Variants in COL14A1 observed in about 807,000 individuals in gnomAD.
COL14A1 encodes collagen type XIV alpha 1 chain.
COL14A1 carries 136 observed loss-of-function variants against 230.3 expected under a neutral mutation model. The observed-to-expected ratio is 0.59, with a 90% confidence interval of 0.51 to 0.68. The LOEUF (loss-of-function observed/expected upper bound fraction) is 0.68. Among genes scored for constraint, COL14A1 ranks in the 30% least tolerant of loss-of-function variants. The pLI is 0.00. For synonymous variants in COL14A1, 792 were observed against 784.1 expected (o/e 1.01, Z -0.17); for missense variants, 1,976 against 2,215.8 (o/e 0.89, Z 2.17).
chr8:120,193,041 C>G (rs1816883288), intron 5 of COL14A1, among the ~76,000 whole-genome samples: 1 of 152,212 alleles, frequency 6.6e-6, no homozygotes, highest in South Asian at 2.1e-4. Flanking sequence ...CTTCTTCTCT[C>G]AACTCGTCAA....
chr8:120,335,645 C>CCG (rs1457518450), intron 42 of COL14A1, among the ~76,000 whole-genome samples: 1 of 152,190 alleles, frequency 6.6e-6, no homozygotes, highest in Non-Finnish European at 1.5e-5. Context: ...ACAGGCTGCA[C>CCG]CGCTGAAAAT....
intron 34 of COL14A1, among the ~76,000 whole-genome samples, chr8:120,290,946 T>G (rs572420607): frequency 2.5e-4 from 38 of 152,324 alleles, no homozygotes; most frequent in African/African-American, 8.4e-4. Flanking sequence ...AAAAGTTCCT[T>G]TGTTTCTACT....
chr8:120,248,413 C>G (rs1022349467), intron 21 of COL14A1, among the ~76,000 whole-genome samples: 3 of 152,118 alleles, frequency 2.0e-5, no homozygotes, highest in Non-Finnish European at 4.4e-5. Flanking sequence ...GTACCATCTC[C>G]CCATTCTTAG....
intron 1 of COL14A1, among the ~76,000 whole-genome samples, chr8:120,144,677 A>C (rs186238671): frequency 6.6e-6 from 1 of 152,216 alleles, no homozygotes; most frequent in East Asian, 1.9e-4. Flanking sequence ...GATTGCAAAC[A>C]ATGCAGTTGT....
intron 20 of COL14A1, among the ~76,000 whole-genome samples, chr8:120,245,065 T>G (rs1342373220): frequency 6.6e-6 from 1 of 152,220 alleles, no homozygotes; most frequent in African/African-American, 2.4e-5. Context: ...CCCTAGCGAT[T>G]CCTTCTACAT....
At chr8:120,332,796 T>A in intron 42 of COL14A1, 61 bp downstream of exon 42, 1 of 1,348,508 alleles carries the variant, frequency 7.4e-7, no homozygotes. Context: ...ATTTATGTGT[T>A]TAAATTTACC....
At chr8:120,273,715 C>T (rs1420044871) in intron 26 of COL14A1, among the ~76,000 whole-genome samples, 2 of 150,770 alleles carry the variant, frequency 1.3e-5, no homozygotes, top group African/African-American at 4.9e-5. Flanking sequence ...TTCCTGGAAA[C>T]AACAACCCCC....
chr8:120,179,071 T>G (rs1430249760), intron 5 of COL14A1, among the ~76,000 whole-genome samples: 1 of 152,168 alleles, frequency 6.6e-6, no homozygotes, highest in Non-Finnish European at 1.5e-5. Flanking sequence ...GAGAAGCTCT[T>G]TAGTTTAATT....
intron 14 of COL14A1, among the ~76,000 whole-genome samples, chr8:120,219,468 A>G (rs1001555196): frequency 2.6e-5 from 4 of 152,174 alleles, no homozygotes; most frequent in Admixed American, 6.5e-5. Context: ...GTCTAAGATC[A>G]AGGCACCTGC....
At chr8:120,243,285 T>C (rs1818660477) in intron 19 of COL14A1, among the ~76,000 whole-genome samples, 1 of 152,184 alleles carries the variant, frequency 6.6e-6, no homozygotes. Flanking sequence ...TGATTCTAGA[T>C]TGAGGAAGAC....
intron 45 of COL14A1, among the ~76,000 whole-genome samples, chr8:120,364,743 C>T (rs974264044): frequency 2.0e-5 from 3 of 151,878 alleles, no homozygotes; most frequent in Non-Finnish European, 4.4e-5. Flanking sequence ...ATTAGCCAAG[C>T]GTCGTGTCAC....
At chr8:120,131,474 T>C (rs1296447230) in intron 1 of COL14A1, among the ~76,000 whole-genome samples, 3 of 152,174 alleles carry the variant, frequency 2.0e-5, no homozygotes, top group Non-Finnish European at 2.9e-5. Context: ...ATGTGGAGCA[T>C]TTTTTCATGT....
intron 45 of COL14A1, among the ~76,000 whole-genome samples, chr8:120,362,925 A>G (rs770127507): frequency 6.6e-6 from 1 of 152,190 alleles, no homozygotes; most frequent in Non-Finnish European, 1.5e-5. Context: ...GATCTAATTT[A>G]TATGAGCTGT....
At chr8:120,163,280 G>A (rs935557487) in intron 4 of COL14A1, among the ~76,000 whole-genome samples, 10 of 152,196 alleles carry the variant, frequency 6.6e-5, no homozygotes, top group Admixed American at 4.6e-4. Flanking sequence ...CTCTGCCCGA[G>A]TAATGGGCTG....
At chr8:120,159,699 A>T (rs1239807665) in intron 3 of COL14A1, among the ~76,000 whole-genome samples, 2 of 152,108 alleles carry the variant, frequency 1.3e-5, no homozygotes, top group East Asian at 1.9e-4. Flanking sequence ...TTAATTTTTT[A>T]AATTTTTTGA....
chr8:120,371,121 G>T, intron 47 of COL14A1, 31 bp from the exon 48 acceptor site: 1 of 1,556,352 alleles, frequency 6.4e-7, no homozygotes, highest in Non-Finnish European at 8.7e-7. Context: ...CCTGGGTGCA[G>T]CAAGTCCCCA....
At chr8:120,184,614 A>G (rs562484944) in intron 5 of COL14A1, among the ~76,000 whole-genome samples, 104 of 152,314 alleles carry the variant, frequency 6.8e-4, no homozygotes, top group Non-Finnish European at 7.5e-4. Flanking sequence ...TCCCAAAATC[A>G]GCAGTCATCA....
intron 19 of COL14A1, among the ~76,000 whole-genome samples, chr8:120,237,587 G>A (rs1189827396): frequency 1.3e-5 from 2 of 152,122 alleles, no homozygotes; most frequent in Non-Finnish European, 2.9e-5. Context: ...GCTTGTTACT[G>A]CTTACCTTCT....
At chr8:120,273,089 C>A (rs1819724078) in intron 26 of COL14A1, among the ~76,000 whole-genome samples, 1 of 151,680 alleles carries the variant, frequency 6.6e-6, no homozygotes. Context: ...TCATATCAGG[C>A]ATCTTCTCAG....
Sources: allele counts gnomAD v4.1 joint callset (sites outside exome capture counted in the v4.1 genomes callset), GRCh38; gene constraint gnomAD v4.1.1; transcripts MANE v1.5; gene names NCBI Gene and HGNC (gene_info 2026-07-23, HGNC 2026-07-21).